MICA: variants seen among roughly 807,000 people sequenced by gnomAD.
The protein encoded by MICA is HLA class I antigen.
MICA carries 18 observed loss-of-function variants against 34.3 expected under a neutral mutation model. That is an observed-to-expected ratio of 0.52 (90% CI 0.36 to 0.78). The LOEUF (loss-of-function observed/expected upper bound fraction) is 0.78. Ranked by LOEUF, MICA falls within the 30% of genes least tolerant of loss-of-function variation. The probability of loss-of-function intolerance (pLI) is 0.00; values close to 1 mark genes in which losing one functional copy is unlikely to be tolerated. For missense variants in MICA, 333 were observed against 409.4 expected (o/e 0.81, Z 1.61); for synonymous variants, 135 against 156.9 (o/e 0.86, Z 1.04).
rs775138518 is a variant in MICA, at chr6:31,412,031, G to A, written c.698G>A (p.Arg233Gln). The change falls in exon 4 of 6, where the codon CGG becomes CAG. Residue 233 changes from arginine to glutamine, a missense_variant. Coordinates refer to ENST00000449934, the MANE Select transcript of MICA (RefSeq NM_001177519.3). Reference sequence around the variant, plus strand: ...TGCAGGGCTTCCAGCTTCTATCCCCGGAATATCATACTGACCTGGCGTCAG... The same window carrying A: ...TGCAGGGCTTCCAGCTTCTATCCCCAGAATATCATACTGACCTGGCGTCAG... ...VTCRASSFYPRNIILTWRQDG... is the reference protein window; with the variant it reads ...VTCRASSFYPQNIILTWRQDG... The A allele has an allele frequency of 9.9e-6, 16 of 1,612,938 alleles. No individual in the cohort carries two copies. Among genetic ancestry groups the A allele is most frequent in the Middle Eastern group, 1.7e-4 (1 of 6,058 alleles).
At chr6:31,414,936 A>C in intron 5 of MICA, 76 bp from the exon 6 acceptor site, 3 of 1,218,408 alleles carry the variant, frequency 2.5e-6, no homozygotes, top group Non-Finnish European at 3.5e-6. Context: ...GAGCAACTGA[A>C]GAGAGAAAAG....
chr6:31,414,620 T>C (rs985717922), intron 5 of MICA, among the ~76,000 whole-genome samples: 2 of 151,932 alleles, frequency 1.3e-5, no homozygotes, highest in African/African-American at 2.4e-5. Flanking sequence ...CCCTGGTGTG[T>C]AGGTGCCTCT....
chr6:31,410,558 G>C lies in MICA; in HGVS notation c.86G>C (p.Arg29Pro), dbSNP rs9380254. Residue 29 changes from arginine to proline, a missense_variant, in exon 2 of 6, where the codon CGT becomes CCT. By Grantham distance (103) the Arg-to-Pro change is moderately radical. Coordinates refer to ENST00000449934, the MANE Select transcript of MICA (RefSeq NM_001177519.3). ...PGAAAEPHSLRYNLTVLSWDG... is the reference protein window; with the variant it reads ...PGAAAEPHSLPYNLTVLSWDG... Reference sequence around the variant, plus strand: ...TCTTCCCCAGAGCCCCACAGTCTTCGTTATAACCTCACGGTGCTGTCCTGG... The same window carrying C: ...TCTTCCCCAGAGCCCCACAGTCTTCCTTATAACCTCACGGTGCTGTCCTGG... 104,695 of 1,612,746 alleles carry C rather than the reference G, an allele frequency of 0.065. 4,897 individuals are homozygous for C. Among genetic ancestry groups the C allele is most frequent in the East Asian group, 0.17 (7,620 of 44,822 alleles).
chr6:31,413,111 T>G (rs1771300147), intron 5 of MICA, among the ~76,000 whole-genome samples: 1 of 151,722 alleles, frequency 6.6e-6, no homozygotes, highest in Admixed American at 6.6e-5. Flanking sequence ...GGAGCTTTCT[T>G]GGGGTTGTCG....
At chr6:31,412,526 G>T (rs1053521173) in intron 5 of MICA, 66 bp downstream of exon 5, 5 of 1,004,152 alleles carry the variant, frequency 5.0e-6, no homozygotes, top group Non-Finnish European at 7.4e-6. Context: ...TCCCCTCATT[G>T]CTCCTGCAAA....
intron 5 of MICA, among the ~76,000 whole-genome samples, chr6:31,412,906 C>T (rs1462263207): frequency 6.6e-6 from 1 of 151,820 alleles, no homozygotes; most frequent in East Asian, 1.9e-4. Context: ...AGAGGCGGTG[C>T]CCCTATTCCC....
At chr6:31,408,956 G>T (rs1262032487) in intron 1 of MICA, among the ~76,000 whole-genome samples, 1 of 150,898 alleles carries the variant, frequency 6.6e-6, no homozygotes, top group Non-Finnish European at 1.5e-5. Flanking sequence ...AGTGAGCTGA[G>T]ATCAGGCCAC....
upstream of MICA, among the ~76,000 whole-genome samples, chr6:31,401,239 G>A (rs928424078): frequency 1.3e-5 from 2 of 151,662 alleles, no homozygotes; most frequent in Non-Finnish European, 2.9e-5. Context: ...TCTCTCTAAG[G>A]TGGGGAAAGG....
upstream of MICA, among the ~76,000 whole-genome samples, chr6:31,402,415 TG>T (rs1770480065): frequency 6.6e-6 from 1 of 151,494 alleles, no homozygotes; most frequent in Non-Finnish European, 1.5e-5. Flanking sequence ...ACCAGAGAAA[TG>T]GGGGTGGTGC....
At chr6:31,409,940 G>A (rs1468023578) in intron 1 of MICA, among the ~76,000 whole-genome samples, 1 of 147,216 alleles carries the variant, frequency 6.8e-6, no homozygotes, top group Non-Finnish European at 1.5e-5. Context: ...GCCTTGTCAT[G>A]CTACTCTTCC....
chr6:31,412,150 T>C lies in MICA; in HGVS notation c.817T>C (p.Cys273Arg), dbSNP rs766959751. 1.4e-5 allele frequency: 22 copies of C among 1,612,658 alleles called. No individual in the cohort carries two copies. Among genetic ancestry groups the C allele is most frequent in the African/African-American group, 1.1e-4 (8 of 74,618 alleles). ...TYQTWVATRI[C>R]RGEEQRFTCY... Reference sequence around the variant, plus strand: ...CCAGACCTGGGTGGCCACCAGGATTTGCCGAGGAGAGGAGCAGAGGTTCAC... The same window carrying C: ...CCAGACCTGGGTGGCCACCAGGATTCGCCGAGGAGAGGAGCAGAGGTTCAC... The change falls in exon 4 of 6, where the codon TGC (cysteine) becomes CGC (arginine). Residue 273 changes from cysteine (C) to arginine (R), a missense_variant. Transcript: ENST00000449934.
In MICA at chr6:31,403,695, T is replaced by C. The variant is rs1376391742; in HGVS notation, c.63T>C (p.Ala21=). The change falls in exon 1 of 6, where the codon GCT becomes GCC. Residue 21 remains alanine (A), a synonymous_variant. Transcript: ENST00000449934. The surrounding 1 kb of genome is among the most constrained non-coding windows in gnomAD (Gnocchi z 4.7). ...TCTTCCCTTTTGCACCTCCGGGAGC[T>C]GCTGCTGGTGAGTGGCGTTCCTGGC... ...AGIFPFAPPG[A]AAEPHSLRYN... 2 of 1,531,524 alleles carry C rather than the reference T, an allele frequency of 1.3e-6. No individual in the cohort carries two copies. Among genetic ancestry groups the C allele is most frequent in the Non-Finnish European group, 1.8e-6 (2 of 1,140,294 alleles). 94.9% of individuals were successfully genotyped at this position (1,531,524 alleles called of 1,614,324 possible). A position where few individuals can be genotyped will look rare whatever the true frequency, so the allele number is the denominator to read the frequency against.
chr6:31,410,840 C>T, intron 2 of MICA, 43 bp downstream of exon 2: 3 of 1,535,118 alleles, frequency 2.0e-6, no homozygotes, highest in South Asian at 1.2e-5. Context: ...AGGCCTTTTC[C>T]AGAAAAGTTA....
intron 1 of MICA, among the ~76,000 whole-genome samples, chr6:31,409,114 G>A (rs1382347174): frequency 2.0e-5 from 3 of 151,854 alleles, no homozygotes; most frequent in African/African-American, 7.3e-5. Flanking sequence ...CTCATTATAT[G>A]TATGTACCAC....
rs747552010 is a variant in MICA at position 31,410,578 on chromosome 6, T to C, written c.106T>C (p.Ser36Pro). ...HSLRYNLTVL[S>P]WDGSVQSGFL... is the part of the protein sequence containing the mutation. ...TCTTCGTTATAACCTCACGGTGCTG[T>C]CCTGGGATGGATCTGTGCAGTCAGG... Residue 36 changes from serine to proline, a missense_variant, in exon 2 of 6, where the codon TCC becomes CCC. Coordinates refer to ENST00000449934, the MANE Select transcript of MICA (RefSeq NM_001177519.3). 9 of 1,613,322 alleles carry C rather than the reference T, an allele frequency of 5.6e-6. No homozygotes were observed. Among genetic ancestry groups the C allele is most frequent in the Non-Finnish European group, 5.1e-6 (6 of 1,179,940 alleles).
At chr6:31,406,782 T>A (rs1024320564) in intron 1 of MICA, among the ~76,000 whole-genome samples, 1 of 151,938 alleles carries the variant, frequency 6.6e-6, no homozygotes, top group African/African-American at 2.4e-5. Flanking sequence ...GGATATCTAG[T>A]TTCCCCAGCA....
intron 1 of MICA, among the ~76,000 whole-genome samples, chr6:31,404,940 TG>T (rs1770670208): frequency 6.6e-6 from 1 of 151,518 alleles, no homozygotes; most frequent in Middle Eastern, 3.2e-3. Context: ...GTGCTGCTCC[TG>T]TCTCTTGCCC....
Position 31,412,376 on chromosome 6 carries a change from TTGCTGCTGGC to T in MICA, c.952_961del (p.Gly318IlefsTer65). The stretch of plus-strand genomic sequence containing the variant: ...TGGCAGACATTCCATGTTTCTGCTG[TTGCTGCTGGC>T]TGCTGCTATTTTTGTTATTATTATT... On this transcript the variant is annotated frameshift_variant, in exon 5 of 6. Transcript: ENST00000449934. LOFTEE classifies it high-confidence loss of function. 6.6e-7 allele frequency: 1 copy of T among 1,512,832 alleles called. No individual in the cohort carries two copies. 93.7% of individuals were successfully genotyped at this position (1,512,832 alleles called of 1,614,324 possible). A position where few individuals can be genotyped will look rare whatever the true frequency, so the allele number is the denominator to read the frequency against.
chr6:31,401,454 G>A (rs1770425480), upstream of MICA, among the ~76,000 whole-genome samples: 1 of 151,704 alleles, frequency 6.6e-6, no homozygotes, highest in Admixed American at 6.6e-5. Flanking sequence ...GGCTGACAAA[G>A]AAGAAACGGA....
Sources: allele counts gnomAD v4.1 joint callset (sites outside exome capture counted in the v4.1 genomes callset), GRCh38; gene constraint gnomAD v4.1.1; non-coding constraint Gnocchi (gnomAD v3.1); transcripts MANE v1.5; gene names NCBI Gene and HGNC (gene_info 2026-07-23, HGNC 2026-07-21).